LDB3: variants seen among roughly 807,000 people sequenced by gnomAD.
LDB3 encodes LIM domain binding 3, also known as LIM domain-binding protein 3.
Under a neutral mutation model 69.0 loss-of-function variants are expected in LDB3, and 49 were observed. That is an observed-to-expected ratio of 0.71 (90% confidence interval 0.56 to 0.90). The LOEUF is 0.90. Among genes scored for constraint, LDB3 ranks in the 40% least tolerant of loss-of-function variants. The pLI is 0.00. For missense variants in LDB3, 928 were observed against 974.1 expected (o/e 0.95, Z 0.63); for synonymous variants, 387 against 396.2 (o/e 0.98, Z 0.28).
intron 9 of LDB3, among the ~76,000 whole-genome samples, chr10:86,711,582 G>A (rs1406400529): frequency 2.0e-5 from 3 of 151,946 alleles, no homozygotes; most frequent in African/African-American, 7.2e-5. Flanking sequence ...TTCCCTCCAG[G>A]CTCTTCGGAT....
chr10:86,680,304 C>T (rs376893758), intron 4 of LDB3, 147 bp downstream of exon 4: 2 of 737,126 alleles, frequency 2.7e-6, no homozygotes. Flanking sequence ...TGCAGCTGAC[C>T]CTGGGGAAGT....
intron 2 of LDB3, among the ~76,000 whole-genome samples, chr10:86,673,048 C>A (rs1012162991): frequency 6.6e-6 from 1 of 152,248 alleles, no homozygotes; most frequent in African/African-American, 2.4e-5. Context: ...ACACTGAGCC[C>A]TCCCACCCCC....
intron 12 of LDB3, among the ~76,000 whole-genome samples, chr10:86,719,261 G>A (rs150295679): frequency 7.8e-4 from 118 of 152,148 alleles, no homozygotes; most frequent in African/African-American, 9.4e-4. Flanking sequence ...GTGTGGTGGC[G>A]CGTGCCTGTA....
intron 5 of LDB3, chr10:86,686,942 C>T (rs1845508275): frequency 1.2e-6 from 1 of 862,934 alleles, no homozygotes; most frequent in African/African-American, 1.6e-5. Flanking sequence ...GGTTCAGGGC[C>T]TCGGCTCTGG....
intron 2 of LDB3, among the ~76,000 whole-genome samples, chr10:86,669,070 G>A (rs750621815): frequency 1.4e-4 from 21 of 149,854 alleles, no homozygotes; most frequent in Non-Finnish European, 2.2e-4. Context: ...GCAGGTAGCT[G>A]GACAGAGAGT....
At chr10:86,680,681 G>A (rs974398213) in intron 4 of LDB3, among the ~76,000 whole-genome samples, 2 of 145,054 alleles carry the variant, frequency 1.4e-5, no homozygotes, top group African/African-American at 4.9e-5. Context: ...TGCTGGCAAT[G>A]GCAGGCACAG....
intron 2 of LDB3, among the ~76,000 whole-genome samples, chr10:86,670,073 A>G (rs76785255): frequency 0.026 from 3,907 of 152,234 alleles, 128 homozygotes; most frequent in African/African-American, 0.072. Flanking sequence ...CAGAAGTAGA[A>G]GCCCCACCCA....
chr10:86,716,197 C>A, intron 9 of LDB3, 130 bp from the exon 10 acceptor site: 1 of 1,080,424 alleles, frequency 9.3e-7, no homozygotes. Context: ...AACAAGTCTC[C>A]CAAAAAAACT....
At chr10:86,724,331 G>C (rs1389055842) in intron 12 of LDB3, among the ~76,000 whole-genome samples, 2 of 150,936 alleles carry the variant, frequency 1.3e-5, no homozygotes, top group African/African-American at 4.9e-5. Flanking sequence ...TAGGCTGGGC[G>C]CGGTGGCTCA....
At chr10:86,720,157 C>T (rs887907429) in intron 12 of LDB3, among the ~76,000 whole-genome samples, 2 of 152,066 alleles carry the variant, frequency 1.3e-5, no homozygotes, top group Non-Finnish European at 2.9e-5. Flanking sequence ...AGAAAATAAA[C>T]GTTTTGGCTG....
At chr10:86,720,821 A>T (rs1301145689) in intron 12 of LDB3, among the ~76,000 whole-genome samples, 1 of 152,190 alleles carries the variant, frequency 6.6e-6, no homozygotes, top group Non-Finnish European at 1.5e-5. Context: ...TGATGTTTTG[A>T]GTAAGAAGAT....
chr10:86,678,308 A>G (rs1844916463), intron 2 of LDB3, among the ~76,000 whole-genome samples: 1 of 143,984 alleles, frequency 6.9e-6, no homozygotes, highest in Admixed American at 7.1e-5. Context: ...AAGTGCTGGG[A>G]TTACAGGCAT....
chr10:86,714,948 A>G (rs1163970514), intron 9 of LDB3, among the ~76,000 whole-genome samples: 1 of 152,052 alleles, frequency 6.6e-6, no homozygotes, highest in Non-Finnish European at 1.5e-5. Context: ...ACATGGATGG[A>G]TCCTATCTAC....
At chr10:86,714,411 T>C (rs76129769) in intron 9 of LDB3, among the ~76,000 whole-genome samples, 262 of 152,296 alleles carry the variant, frequency 1.7e-3, no homozygotes, top group African/African-American at 5.1e-3. Context: ...TTTGGAGATG[T>C]ATTCCCACTT....
chr10:86,729,232 A>C (rs1371314649), intron 13 of LDB3, among the ~76,000 whole-genome samples: 1 of 152,226 alleles, frequency 6.6e-6, no homozygotes, highest in Non-Finnish European at 1.5e-5. Context: ...AGATGTGAGC[A>C]ATTCAAAAGT....
intron 7 of LDB3, among the ~76,000 whole-genome samples, chr10:86,705,491 C>A (rs916294459): frequency 8.5e-5 from 13 of 152,162 alleles, no homozygotes; most frequent in Non-Finnish European, 1.3e-4. Flanking sequence ...AATTTTTATT[C>A]TCTGCCCACC....
intron 12 of LDB3, among the ~76,000 whole-genome samples, chr10:86,724,305 C>T (rs1847182100): frequency 7.1e-6 from 1 of 141,756 alleles, no homozygotes; most frequent in African/African-American, 2.7e-5. Flanking sequence ...AGTGAGAGTC[C>T]ACCTCAAAAA....
chr10:86,674,228 A>G (rs908588962), intron 2 of LDB3, among the ~76,000 whole-genome samples: 8 of 152,302 alleles, frequency 5.3e-5, no homozygotes, highest in Non-Finnish European at 7.4e-5. Context: ...CCCTCCTTAC[A>G]TAATCCCCTG....
upstream of LDB3, among the ~76,000 whole-genome samples, chr10:86,667,187 C>T (rs971781702): frequency 1.3e-5 from 2 of 152,130 alleles, no homozygotes; most frequent in Admixed American, 1.3e-4. Flanking sequence ...AAAACAACCC[C>T]GTAATATGGG....
Sources: allele counts gnomAD v4.1 joint callset (sites outside exome capture counted in the v4.1 genomes callset), GRCh38; gene constraint gnomAD v4.1.1; transcripts MANE v1.5; gene names NCBI Gene and HGNC (gene_info 2026-07-23, HGNC 2026-07-21).